Variants in RGS6 observed in about 807,000 individuals in gnomAD.
RGS6 encodes regulator of G-protein signaling 6.
A neutral mutation model predicts 78.5 loss-of-function variants in RGS6; 30 were observed. The observed-to-expected ratio is 0.38, with a 90% CI of 0.29 to 0.52. RGS6 has a LOEUF of 0.52. RGS6 is among the 20% of genes least tolerant of loss of function. The pLI, the probability that RGS6 is intolerant of heterozygous loss-of-function variation, is 0.85. For missense variants in RGS6, 495 were observed against 609.7 expected, an observed-to-expected ratio of 0.81 and a Z score of 1.98; for synonymous variants, 206 against 206.0, an observed-to-expected ratio of 1.00 and a Z score of 0.00.
intron 12 of RGS6, among the ~76,000 whole-genome samples, chr14:72,480,355 C>T (rs966086483): frequency 2.0e-5 from 3 of 152,150 alleles, no homozygotes; most frequent in Non-Finnish European, 2.9e-5. Context: ...GCGGGGAGCC[C>T]GGCCCATCCT....
At chr14:72,617,080 A>T in the RGS6 span, among the ~76,000 whole-genome samples, 6 of 152,310 alleles carry the variant, frequency 3.9e-5, no homozygotes, top group South Asian at 1.0e-3. Context: ...TTGGCCTGGG[A>T]GACCCAGCTG....
At chr14:71,954,062 A>G (rs1391603766) in intron 1 of RGS6, among the ~76,000 whole-genome samples, 1 of 131,098 alleles carries the variant, frequency 7.6e-6, no homozygotes, top group Non-Finnish European at 1.5e-5. Context: ...TCATTCTTCT[A>G]TAGGTAAGGA....
chr14:71,982,690 T>G (rs2094522404), intron 2 of RGS6, among the ~76,000 whole-genome samples: 1 of 152,240 alleles, frequency 6.6e-6, no homozygotes, highest in South Asian at 2.1e-4. Context: ...TTTAAGAAAT[T>G]GACAATGCTC....
chr14:72,496,847 T>G (rs768058116), intron 13 of RGS6, among the ~76,000 whole-genome samples: 1 of 152,040 alleles, frequency 6.6e-6, no homozygotes, highest in Non-Finnish European at 1.5e-5. Flanking sequence ...TACCCAAATA[T>G]GTACATATAT....
chr14:72,093,834 T>C (rs1418051318), intron 2 of RGS6, among the ~76,000 whole-genome samples: 1 of 152,196 alleles, frequency 6.6e-6, no homozygotes, highest in Non-Finnish European at 1.5e-5. Context: ...AATTTTATCC[T>C]TAACAAAGCA....
intron 2 of RGS6, among the ~76,000 whole-genome samples, chr14:72,163,465 G>A (rs1245096826): frequency 1.3e-5 from 2 of 152,224 alleles, no homozygotes; most frequent in African/African-American, 4.8e-5. Context: ...ACTCTCAAGA[G>A]TGTGTGAGAT....
chr14:72,237,955 C>A (rs921950806), intron 2 of RGS6, among the ~76,000 whole-genome samples: 6 of 131,862 alleles, frequency 4.6e-5, no homozygotes, highest in African/African-American at 1.5e-4. Context: ...ACACCCTGCC[C>A]TCTGGGTACC....
the RGS6 span, among the ~76,000 whole-genome samples, chr14:72,578,203 C>G: frequency 1.1e-3 from 166 of 152,316 alleles, no homozygotes; most frequent in African/African-American, 3.8e-3. Context: ...TGCTCTTAGA[C>G]TTTTTCTTTG....
chr14:72,286,687 T>G (rs1046084150), intron 2 of RGS6, among the ~76,000 whole-genome samples: 1 of 152,202 alleles, frequency 6.6e-6, no homozygotes, highest in Non-Finnish European at 1.5e-5. Flanking sequence ...TTTATTTCAT[T>G]GATGTTGCCT....
At chr14:72,183,643 T>C (rs899867196) in intron 2 of RGS6, among the ~76,000 whole-genome samples, 4 of 152,092 alleles carry the variant, frequency 2.6e-5, no homozygotes, top group African/African-American at 7.2e-5. Context: ...AATAATACGT[T>C]AAACCTGGAA....
At chr14:72,305,747 TA>T (rs2067093506) in intron 2 of RGS6, among the ~76,000 whole-genome samples, 1 of 152,218 alleles carries the variant, frequency 6.6e-6, no homozygotes, top group African/African-American at 2.4e-5. Context: ...GACCAATTCA[TA>T]ACCCTACAAT....
rs139722416 is a variant in RGS6 at position 71,951,582 on chromosome 14, G to T, written c.-20-13190G>T. Among the ~76,000 whole-genome samples, 578 of 152,216 alleles carry T rather than the reference G, an allele frequency of 3.8e-3. 6 individuals carry two copies. The highest frequency in any genetic ancestry group is 0.013 in the African/African-American group (551 of 41,546). The stretch of plus-strand genomic sequence containing the variant: ...ACTTAACATAATATATAATTAAAAA[G>T]AATAGCTTCATTATTTCTAACCATT... On this transcript the variant is annotated intron_variant, in intron 1 of 17. Coordinates refer to ENST00000553525, the MANE Select transcript of RGS6 (RefSeq NM_001204424.2).
intron 2 of RGS6, among the ~76,000 whole-genome samples, chr14:72,207,339 T>C (rs1469905258): frequency 6.6e-6 from 1 of 152,170 alleles, no homozygotes; most frequent in East Asian, 1.9e-4. Context: ...AATGTTATGG[T>C]TTTTAGGTAT....
At chr14:72,057,445 T>C (rs925681855) in intron 2 of RGS6, among the ~76,000 whole-genome samples, 1 of 151,832 alleles carries the variant, frequency 6.6e-6, no homozygotes, top group Non-Finnish European at 1.5e-5. Context: ...ATGGGATCTG[T>C]GGTTACACTC....
At chr14:72,231,041 G>A (rs2049433607) in intron 2 of RGS6, among the ~76,000 whole-genome samples, 1 of 152,106 alleles carries the variant, frequency 6.6e-6, no homozygotes, top group African/African-American at 2.4e-5. Flanking sequence ...CCAAGAGAGT[G>A]GATTGTTAAA....
intron 2 of RGS6, among the ~76,000 whole-genome samples, chr14:72,324,985 G>A (rs1181935803): frequency 6.6e-6 from 1 of 152,176 alleles, no homozygotes; most frequent in Non-Finnish European, 1.5e-5. Flanking sequence ...GTGTAAAAGT[G>A]TTCCTATTTC....
intron 17 of RGS6, among the ~76,000 whole-genome samples, chr14:72,556,216 C>T (rs777932724): frequency 5.3e-5 from 8 of 152,190 alleles, no homozygotes; most frequent in Non-Finnish European, 1.0e-4. Flanking sequence ...TTAATTGACT[C>T]ACAGTTCCAC....
chr14:71,985,854 C>A (rs2094688702), intron 2 of RGS6, among the ~76,000 whole-genome samples: 1 of 152,164 alleles, frequency 6.6e-6, no homozygotes, highest in African/African-American at 2.4e-5. Flanking sequence ...TCTTAAGCAA[C>A]TAACTAAATA....
At chr14:72,099,629 C>A (rs1277161779) in intron 2 of RGS6, among the ~76,000 whole-genome samples, 1 of 152,156 alleles carries the variant, frequency 6.6e-6, no homozygotes, top group Non-Finnish European at 1.5e-5. Context: ...GATAGAAACA[C>A]CCATTTCCAG....
Sources: gnomAD v4.1 joint callset for allele counts (sites outside exome capture counted in the v4.1 genomes callset) on GRCh38, gnomAD v4.1.1 for gene constraint, MANE v1.5 for transcripts, NCBI Gene and HGNC (gene_info 2026-07-23, HGNC 2026-07-21) for gene names.